RSAD2: variants seen among roughly 807,000 people sequenced by gnomAD.
The protein encoded by RSAD2 is radical S-adenosyl methionine domain containing 2, also known as S-adenosylmethionine-dependent nucleotide dehydratase RSAD2.
Under a neutral mutation model 37.7 loss-of-function variants are expected in RSAD2, and 38 were observed. The observed-to-expected ratio is 1.01, with a 90% CI of 0.78 to 1.32. The LOEUF is 1.32. Ranked by LOEUF, RSAD2 falls within the 40% of genes most tolerant of loss-of-function variation. The pLI, the probability that RSAD2 is intolerant of heterozygous loss-of-function variation, is 0.00. For synonymous variants in RSAD2, 163 were observed against 157.4 expected (o/e 1.04, Z -0.27); for missense variants, 428 against 437.5 (o/e 0.98, Z 0.19).
At chr2:6,890,875 C>T (rs1216895694) in intron 4 of RSAD2, among the ~76,000 whole-genome samples, 1 of 152,004 alleles carries the variant, frequency 6.6e-6, no homozygotes, top group East Asian at 1.9e-4. Context: ...CAAAACATGT[C>T]TACACTGTGG....
upstream of RSAD2, chr2:6,877,749 T>C: frequency 7.1e-6 from 10 of 1,414,192 alleles, no homozygotes; most frequent in Non-Finnish European, 9.7e-6. Flanking sequence ...CATCCCTATA[T>C]AAAGAGAGTC....
intron 3 of RSAD2, among the ~76,000 whole-genome samples, 176 bp downstream of exon 3, chr2:6,887,340 G>T (rs752599240): frequency 6.6e-6 from 1 of 152,062 alleles, no homozygotes; most frequent in Non-Finnish European, 1.5e-5. Flanking sequence ...ACTTTTCTTT[G>T]TCTTAGACAT....
intron 5 of RSAD2, among the ~76,000 whole-genome samples, chr2:6,895,352 T>C (rs1209374000): frequency 6.6e-6 from 1 of 152,278 alleles, no homozygotes; most frequent in Non-Finnish European, 1.5e-5. Context: ...ACATCATTAC[T>C]ATTCCAGAAA....
intron 4 of RSAD2, among the ~76,000 whole-genome samples, chr2:6,891,203 AC>A (rs1259720814): frequency 2.1e-4 from 32 of 151,736 alleles, no homozygotes; most frequent in African/African-American, 5.4e-4. Flanking sequence ...CAGAAAAAAA[AC>A]AAATGGTGAA....
upstream of RSAD2, chr2:6,877,534 G>C: frequency 2.1e-6 from 1 of 477,388 alleles, no homozygotes; most frequent in Non-Finnish European, 3.8e-6. Flanking sequence ...TCAAGCTAGA[G>C]AGACTGTTAT....
chr2:6,877,748 A>G, upstream of RSAD2: 3 of 1,402,324 alleles, frequency 2.1e-6, no homozygotes, highest in Non-Finnish European at 2.0e-6. Flanking sequence ...CCATCCCTAT[A>G]TAAAGAGAGT....
At chr2:6,876,835 A>G (rs1663290284), upstream of RSAD2, 1 of 152,212 alleles carries the variant, frequency 6.6e-6, no homozygotes. Context: ...ATCGCCTGAG[A>G]TACGTTGCTT....
chr2:6,888,942 C>G (rs1558337359), intron 3 of RSAD2, among the ~76,000 whole-genome samples: 1 of 152,222 alleles, frequency 6.6e-6, no homozygotes, highest in Non-Finnish European at 1.5e-5. Flanking sequence ...TGCGTGATTA[C>G]TCACTGGGAG....
intron 1 of RSAD2, chr2:6,866,077 C>T: frequency 7.5e-6 from 2 of 265,928 alleles, no homozygotes; most frequent in Non-Finnish European, 1.4e-5. Flanking sequence ...GGGTGGCTGG[C>T]GGCCCCGACC....
chr2:6,892,728 G>A (rs1042477671), intron 4 of RSAD2, among the ~76,000 whole-genome samples: 8 of 151,958 alleles, frequency 5.3e-5, no homozygotes, highest in Admixed American at 2.0e-4. Flanking sequence ...CCTTGAACTA[G>A]TTCCCAGATG....
At chr2:6,895,611 T>C (rs1339860505) in intron 5 of RSAD2, among the ~76,000 whole-genome samples, 167 bp from the exon 6 acceptor site, 2 of 152,190 alleles carry the variant, frequency 1.3e-5, no homozygotes, top group Non-Finnish European at 2.9e-5. Flanking sequence ...CATGAGCTGG[T>C]TGAGTAGAGA....
chr2:6,869,649 T>C (rs972940995), intron 1 of RSAD2, among the ~76,000 whole-genome samples: 3 of 152,166 alleles, frequency 2.0e-5, no homozygotes, highest in Admixed American at 2.0e-4. Flanking sequence ...GATTGGAACA[T>C]GCATATCACA....
chr2:6,890,818 T>C (rs111886938), intron 4 of RSAD2, among the ~76,000 whole-genome samples: 1 of 152,166 alleles, frequency 6.6e-6, no homozygotes, highest in African/African-American at 2.4e-5. Flanking sequence ...GACAATTGGA[T>C]CCATCCTATT....
At chr2:6,889,817 T>C (rs1663594610) in intron 3 of RSAD2, among the ~76,000 whole-genome samples, 1 of 152,260 alleles carries the variant, frequency 6.6e-6, no homozygotes, top group Admixed American at 6.5e-5. Context: ...AACAATGTTT[T>C]TAAAATGTGT....
upstream of RSAD2, chr2:6,877,766 A>T (rs761834715): frequency 6.6e-7 from 1 of 1,521,872 alleles, no homozygotes; most frequent in Admixed American, 1.8e-5. Context: ...AGTCCCTGGC[A>T]TACAGAGACT....
At chr2:6,868,027 C>G (rs925006172) in intron 1 of RSAD2, among the ~76,000 whole-genome samples, 1 of 152,110 alleles carries the variant, frequency 6.6e-6, no homozygotes, top group Admixed American at 6.5e-5. Flanking sequence ...ATGCCTGTAG[C>G]CACCCATCGT....
Position 6,897,325 on chromosome 2 carries a change from G to C in RSAD2, c.*1383G>C, listed in dbSNP as rs1663798297. ...GCAAATAAAAGGTCATTTTAATTTA[G>C]CTGCAATTTCAGTGTTCCTCACTAG... is the stretch of plus-strand genomic sequence containing the variant. On this transcript the variant is annotated 3_prime_UTR_variant, in exon 6 of 6. Transcript: ENST00000382040. 6.6e-6 allele frequency: 1 copy of C among 152,142 alleles called. No individual in the cohort carries two copies. The highest frequency in any genetic ancestry group is 6.5e-5 in the Admixed American group (1 of 15,268). 9.4% of individuals were successfully genotyped at this position (152,142 alleles called of 1,614,324 possible).
chr2:6,868,943 C>A (rs1451479530), intron 1 of RSAD2, among the ~76,000 whole-genome samples: 3 of 152,228 alleles, frequency 2.0e-5, no homozygotes, highest in African/African-American at 7.2e-5. Context: ...GACATGCCAG[C>A]TTGCGATCAT....
At chr2:6,878,467 G>A (rs553484869) in intron 1 of RSAD2, among the ~76,000 whole-genome samples, 40 of 152,228 alleles carry the variant, frequency 2.6e-4, no homozygotes, top group African/African-American at 5.1e-4. Flanking sequence ...GGAAAGAGGC[G>A]GTTTGGGAAG....
Sources: allele counts gnomAD v4.1 joint callset (sites outside exome capture counted in the v4.1 genomes callset), GRCh38; gene constraint gnomAD v4.1.1; transcripts MANE v1.5; gene names NCBI Gene and HGNC (gene_info 2026-07-23, HGNC 2026-07-21).